Variants in NRG1 observed in about 807,000 individuals in gnomAD.
The protein encoded by NRG1 is pro-neuregulin-1, membrane-bound isoform.
A neutral mutation model predicts 63.8 loss-of-function variants in NRG1; 18 were observed. The ratio of observed to expected loss-of-function variants is 0.28; its 90% CI spans 0.19 to 0.42. NRG1 has a LOEUF of 0.42. Ranked by LOEUF, NRG1 falls within the 10% of genes least tolerant of loss-of-function variation. NRG1 has a pLI of 1.00. For missense variants in NRG1, 762 were observed against 814.7 expected (o/e 0.94, Z 0.79); for synonymous variants, 302 against 301.3 (o/e 1.00, Z -0.02).
At chr8:32,430,612 G>T (rs1193059090) in intron 1 of NRG1, among the ~76,000 whole-genome samples, 3 of 152,066 alleles carry the variant, frequency 2.0e-5, no homozygotes, top group African/African-American at 7.2e-5. Flanking sequence ...ATTGTGTTAC[G>T]TTCAACACTG....
At chr8:32,087,324 G>A (rs896722597) in intron 1 of NRG1, among the ~76,000 whole-genome samples, 15 of 151,836 alleles carry the variant, frequency 9.9e-5, no homozygotes, top group African/African-American at 2.7e-4. Context: ...CTCCCCAACC[G>A]ATCTCTTCCC....
intron 1 of NRG1, among the ~76,000 whole-genome samples, chr8:32,127,092 G>A (rs1281150505): frequency 6.6e-6 from 1 of 151,882 alleles, no homozygotes; most frequent in Non-Finnish European, 1.5e-5. Context: ...TATGTATGTA[G>A]TTTCCTATCC....
intron 1 of NRG1, among the ~76,000 whole-genome samples, chr8:32,166,240 C>CT (rs1301190808): frequency 6.6e-6 from 1 of 151,948 alleles, no homozygotes; most frequent in East Asian, 1.9e-4. Flanking sequence ...GTTTTGTTCT[C>CT]TTTTTTTTCA....
chr8:32,089,706 A>C (rs1419541255), intron 1 of NRG1, among the ~76,000 whole-genome samples: 5 of 152,214 alleles, frequency 3.3e-5, no homozygotes, highest in Admixed American at 6.5e-5. Context: ...AAAGTGACAG[A>C]AACGCTCATA....
intron 1 of NRG1, among the ~76,000 whole-genome samples, chr8:32,351,038 G>A (rs1192839600): frequency 1.3e-5 from 2 of 152,082 alleles, no homozygotes; most frequent in African/African-American, 4.8e-5. Flanking sequence ...CACTATCGGT[G>A]TACTGAGGTC....
rs186097856 is a variant in NRG1, at chr8:32,667,144, C to A, written c.502+50259C>A. ...GATAGAATCTTTTGCTCCTAGGCTA[C>A]AAACTGTGCAAGTATGTTACTGTAC... On this transcript the variant is annotated intron_variant, in intron 5 of 11. Coordinates refer to ENST00000356819, the Ensembl canonical transcript of NRG1. Among the ~76,000 whole-genome samples the A allele has an allele frequency of 1.8e-4, 28 of 152,288 alleles. No homozygotes were observed. In the East Asian group the frequency reaches 5.0e-3, roughly 27 times the overall value.
intron 1 of NRG1, among the ~76,000 whole-genome samples, chr8:31,841,965 A>T (rs1826240302): frequency 6.6e-6 from 1 of 152,184 alleles, no homozygotes; most frequent in African/African-American, 2.4e-5. Context: ...TATGTACAAG[A>T]GACAGAGGTA....
At chr8:31,671,388 A>G (rs904628024) in intron 1 of NRG1, among the ~76,000 whole-genome samples, 1 of 152,172 alleles carries the variant, frequency 6.6e-6, no homozygotes, top group African/African-American at 2.4e-5. Flanking sequence ...TTCCATATGT[A>G]TACTATTGTG....
downstream of NRG1, among the ~76,000 whole-genome samples, chr8:32,770,127 C>T (rs1564156323): frequency 6.6e-6 from 1 of 152,154 alleles, no homozygotes; most frequent in African/African-American, 2.4e-5. Context: ...GCCCACCCCA[C>T]AGGATGCCAA....
intron 1 of NRG1, among the ~76,000 whole-genome samples, chr8:32,191,282 A>G (rs1295004301): frequency 6.6e-6 from 1 of 152,024 alleles, no homozygotes; most frequent in Non-Finnish European, 1.5e-5. Flanking sequence ...ACAGGGTTTC[A>G]CCATGTTGGC....
At chr8:32,286,174 A>T (rs929657978) in intron 1 of NRG1, among the ~76,000 whole-genome samples, 13 of 152,220 alleles carry the variant, frequency 8.5e-5, no homozygotes, top group African/African-American at 3.1e-4. Flanking sequence ...TGGCCCGTTG[A>T]GTTTTATCAG....
In NRG1 at chr8:31,995,562, G is replaced by A. The variant is rs557914119; in HGVS notation, c.37+356131G>A. ...TTCTTCACTTACTTTATAGGCAGAT[G>A]CTATTCCTTTTAGAGACTGTCTCTG... On this transcript the variant is annotated intron_variant, in intron 1 of 10. Transcript: ENST00000519301. 5.3e-5 allele frequency among the ~76,000 whole-genome samples: 8 copies of A among 152,048 alleles called. No homozygotes were observed. In the South Asian group the frequency reaches 1.7e-3, roughly 32 times the overall value.
In NRG1 at chr8:31,748,062, T is replaced by C. The variant is rs572000896; in HGVS notation, c.37+108631T>C. 2.6e-5 allele frequency among the ~76,000 whole-genome samples: 4 copies of C among 152,106 alleles called. No individual in the cohort carries two copies. In the East Asian group the frequency reaches 7.8e-4, roughly 30 times the overall value. On this transcript the variant is annotated intron_variant, in intron 1 of 10. Transcript: ENST00000519301. Reference sequence around the variant, plus strand: ...TTGTTGTTCTTTGCCAAACATTGCATAAAATAAAATATAACCTTTCTTCTA... The same window carrying C: ...TTGTTGTTCTTTGCCAAACATTGCACAAAATAAAATATAACCTTTCTTCTA...
intron 1 of NRG1, among the ~76,000 whole-genome samples, chr8:32,079,329 G>T (rs970501703): frequency 5.9e-5 from 9 of 152,016 alleles, no homozygotes; most frequent in Admixed American, 2.6e-4. Context: ...TTACAGGTGG[G>T]AATGAGTTAA....
In NRG1 at chr8:32,709,995, T is replaced by C. The variant is rs141156299; in HGVS notation, c.503-17954T>C. On this transcript the variant is annotated intron_variant, in intron 5 of 11. Coordinates refer to ENST00000356819, the Ensembl canonical transcript of NRG1. ...GCATTATTTTTGTTAGGAGTAACTA[T>C]GTAAAGCAAGTCTGATTAGATGATC... 6.6e-5 allele frequency among the ~76,000 whole-genome samples: 10 copies of C among 152,334 alleles called. No homozygotes were observed. The East Asian group carries it at 1.9e-3, about 29-fold the overall frequency.
chr8:31,742,020 T>G (rs1563348963), intron 1 of NRG1, among the ~76,000 whole-genome samples: 1 of 151,984 alleles, frequency 6.6e-6, no homozygotes, highest in African/African-American at 2.4e-5. Flanking sequence ...CTGTTAAAAA[T>G]AACTGTAATG....
chr8:32,085,856 G>A (rs7818326), intron 1 of NRG1, among the ~76,000 whole-genome samples: 101,164 of 152,124 alleles, frequency 0.67, 34,741 homozygotes, highest in Non-Finnish European at 0.75. Flanking sequence ...GAAGTCATCA[G>A]CTTGGGTTCT....
chr8:32,747,633 A>C (rs1827696381), intron 7 of NRG1, among the ~76,000 whole-genome samples: 1 of 151,474 alleles, frequency 6.6e-6, no homozygotes, highest in Non-Finnish European at 1.5e-5. Flanking sequence ...TGTACACTGG[A>C]CCCAAGGCAG....
intron 1 of NRG1, among the ~76,000 whole-genome samples, chr8:32,394,711 C>A (rs905144872): frequency 3.9e-5 from 6 of 152,188 alleles, no homozygotes; most frequent in Admixed American, 3.9e-4. Context: ...TCCCTACCCT[C>A]TTTGTTCTCC....
Sources: allele counts gnomAD v4.1 joint callset (sites outside exome capture counted in the v4.1 genomes callset), GRCh38; gene constraint gnomAD v4.1.1; transcripts MANE v1.5; gene names NCBI Gene and HGNC (gene_info 2026-07-23, HGNC 2026-07-21).